The following CCDC73 variants were observed in gnomAD, a reference collection of about 807,000 sequenced individuals.
The protein encoded by CCDC73 is coiled-coil domain-containing protein 73.
In CCDC73, 95 loss-of-function variants were observed where a neutral mutation model predicts 116.5. The observed-to-expected ratio is 0.82, with a 90% CI of 0.69 to 0.97. CCDC73 has a LOEUF of 0.97. Ranked by LOEUF, CCDC73 falls within the 50% of genes least tolerant of loss-of-function variation. The pLI is 0.00. For synonymous variants in CCDC73, 398 were observed against 401.3 expected (o/e 0.99, Z 0.10); for missense variants, 1,066 against 1,206.8 (o/e 0.88, Z 1.73).
At chr11:32,765,968 T>G (rs1850437510) in intron 1 of CCDC73, among the ~76,000 whole-genome samples, 1 of 152,210 alleles carries the variant, frequency 6.6e-6, no homozygotes, top group Non-Finnish European at 1.5e-5. Context: ...GAGGCCAGCA[T>G]CATCCTGATA....
At position 32,781,547 on chromosome 11, in the gene CCDC73, T is replaced by G. The variant is rs369227663; in HGVS notation, c.-16+13066A>C. On this transcript the variant is annotated intron_variant, in intron 1 of 17. Coordinates refer to ENST00000335185, the MANE Select transcript of CCDC73 (RefSeq NM_001008391.4). ...AAAACAGGATGATTACTTGAAAGTG[T>G]GTTTAAGAAGACCCACAGATTCCCT... Among the ~76,000 whole-genome samples the G allele has an allele frequency of 1.9e-4, 29 of 152,250 alleles. No homozygotes were observed. In the East Asian group the frequency reaches 5.6e-3, roughly 29 times the overall value.
intron 3 of CCDC73, among the ~76,000 whole-genome samples, chr11:32,709,102 T>C (rs1011447048): frequency 1.3e-5 from 2 of 152,192 alleles, no homozygotes; most frequent in Non-Finnish European, 2.9e-5. Flanking sequence ...GCTGAGGGTT[T>C]TAATCATAAA....
chr11:32,751,669 G>A (rs1590629640), intron 2 of CCDC73, among the ~76,000 whole-genome samples: 1 of 152,140 alleles, frequency 6.6e-6, no homozygotes, highest in South Asian at 2.1e-4. Context: ...GGGGAGGGGT[G>A]GAGTTGGAGA....
intron 9 of CCDC73, among the ~76,000 whole-genome samples, chr11:32,665,778 T>C (rs995665138): frequency 6.6e-6 from 1 of 152,172 alleles, no homozygotes; most frequent in Non-Finnish European, 1.5e-5. Flanking sequence ...TTTTGGCATG[T>C]TTTTGCGGTG....
intron 1 of CCDC73, among the ~76,000 whole-genome samples, chr11:32,786,317 CAAT>C (rs954865652): frequency 1.4e-4 from 20 of 146,560 alleles, no homozygotes; most frequent in Middle Eastern, 3.5e-3. Context: ...TAATTTATAA[CAAT>C]AAATCTGTTA....
At chr11:32,703,004 A>T in intron 3 of CCDC73, 60 bp from the exon 4 acceptor site, 1 of 1,066,682 alleles carries the variant, frequency 9.4e-7, no homozygotes, top group Non-Finnish European at 1.5e-6. Flanking sequence ...TTCAGCTTTA[A>T]ATCTTAACTA....
the CCDC73 span, among the ~76,000 whole-genome samples, chr11:32,828,372 T>A: frequency 6.6e-6 from 1 of 151,578 alleles, no homozygotes; most frequent in Non-Finnish European, 1.5e-5. Flanking sequence ...TAGCCGGGCG[T>A]GGTGGTGGAT....
the CCDC73 span, among the ~76,000 whole-genome samples, chr11:32,825,295 C>CTT: frequency 9.3e-5 from 6 of 64,466 alleles, no homozygotes; most frequent in Admixed American, 1.9e-4. Flanking sequence ...CTGATGCAGA[C>CTT]TTTTTTTTTT....
chr11:32,778,422 T>C lies in CCDC73; in HGVS notation c.-16+16191A>G, dbSNP rs374666135. Among the ~76,000 whole-genome samples, 24 of 152,362 alleles carry C rather than the reference T, an allele frequency of 1.6e-4. No individual in the cohort carries two copies. In the East Asian group the frequency reaches 3.9e-3, roughly 24 times the overall value. ...TTGTTTTCTTGTTTAATTTATCAAA[T>C]GCTGAGTTAAAGAACTAGGCAAAAC... On this transcript the variant is annotated intron_variant, in intron 1 of 17. Transcript: ENST00000335185.
chr11:32,748,611 A>G (rs192334973), intron 2 of CCDC73, among the ~76,000 whole-genome samples: 2 of 152,246 alleles, frequency 1.3e-5, no homozygotes, highest in East Asian at 1.9e-4. Context: ...CAGTGTTATA[A>G]TATTCTGTGT....
chr11:32,610,628 C>T (rs1321071934), intron 17 of CCDC73, among the ~76,000 whole-genome samples: 2 of 152,216 alleles, frequency 1.3e-5, no homozygotes, highest in East Asian at 3.9e-4. Flanking sequence ...TCCTGGAAGC[C>T]ATATAATTTC....
intron 14 of CCDC73, among the ~76,000 whole-genome samples, chr11:32,628,897 A>G (rs1187937411): frequency 2.0e-5 from 3 of 152,222 alleles, no homozygotes; most frequent in Admixed American, 1.3e-4. Flanking sequence ...TAAAACAGCT[A>G]TTACAAATGT....
chr11:32,781,667 T>C (rs932780572), intron 1 of CCDC73, among the ~76,000 whole-genome samples: 2 of 152,228 alleles, frequency 1.3e-5, no homozygotes, highest in Admixed American at 6.5e-5. Context: ...AATGGGTTTA[T>C]TGGGATACCA....
chr11:32,681,796 A>C (rs1856148238), intron 7 of CCDC73: 1 of 151,936 alleles, frequency 6.6e-6, no homozygotes, highest in African/African-American at 2.4e-5. Flanking sequence ...AATAAAGAAC[A>C]AGTCATCTGA....
At chr11:32,713,391 G>T (rs144380820) in intron 3 of CCDC73, among the ~76,000 whole-genome samples, 1 of 151,974 alleles carries the variant, frequency 6.6e-6, no homozygotes, top group Non-Finnish European at 1.5e-5. Flanking sequence ...TATGGTTTCC[G>T]ATCTCAGTAG....
chr11:32,678,122 T>C (rs1856108191), intron 7 of CCDC73, among the ~76,000 whole-genome samples: 1 of 151,560 alleles, frequency 6.6e-6, no homozygotes, highest in African/African-American at 2.4e-5. Flanking sequence ...CTACTAAAAA[T>C]ACAAAAATTA....
chr11:32,622,852 G>A (rs1855535582), intron 14 of CCDC73, among the ~76,000 whole-genome samples: 1 of 150,536 alleles, frequency 6.6e-6, no homozygotes, highest in Admixed American at 6.6e-5. Flanking sequence ...GGCCTGAGAG[G>A]TAAAGAAAAA....
intron 2 of CCDC73, among the ~76,000 whole-genome samples, chr11:32,741,801 C>G (rs1298057580): frequency 2.6e-5 from 4 of 151,922 alleles, no homozygotes; most frequent in Non-Finnish European, 4.4e-5. Context: ...TAATGTTATC[C>G]CTCCCCTAGT....
intron 1 of CCDC73, among the ~76,000 whole-genome samples, chr11:32,782,019 G>A (rs1850588788): frequency 6.6e-6 from 1 of 152,106 alleles, no homozygotes; most frequent in African/African-American, 2.4e-5. Flanking sequence ...ATCAGGGGCA[G>A]CATTAGATTC....
Sources: gnomAD v4.1 joint callset for allele counts (sites outside exome capture counted in the v4.1 genomes callset) on GRCh38, gnomAD v4.1.1 for gene constraint, MANE v1.5 for transcripts, NCBI Gene and HGNC (gene_info 2026-07-23, HGNC 2026-07-21) for gene names.